Variants in CCDC7 observed in about 807,000 individuals in gnomAD.
The protein encoded by CCDC7 is coiled-coil domain-containing protein 7.
In CCDC7, 183 loss-of-function variants were observed where a neutral mutation model predicts 196.9. The observed-to-expected ratio is 0.93, with a 90% CI of 0.82 to 1.05. The LOEUF (loss-of-function observed/expected upper bound fraction) is 1.05, where lower values mean the gene tolerates loss of function less well. CCDC7 is among the 50% of genes least tolerant of loss of function. The pLI is 0.00. For missense variants in CCDC7, 1,540 were observed against 1,482.2 expected (o/e 1.04, Z -0.64); for synonymous variants, 525 against 484.6 (o/e 1.08, Z -1.10).
At chr10:32,593,869 T>C (rs1303015173) in intron 18 of CCDC7, among the ~76,000 whole-genome samples, 2 of 152,110 alleles carry the variant, frequency 1.3e-5, no homozygotes, top group African/African-American at 4.8e-5. Context: ...CAATGTGTGA[T>C]ATTATTTCCG....
chr10:32,703,504 G>C (rs1405265401), intron 24 of CCDC7, among the ~76,000 whole-genome samples: 1 of 151,948 alleles, frequency 6.6e-6, no homozygotes, highest in Non-Finnish European at 1.5e-5. Context: ...TGGAGTTGCT[G>C]TTCTCGAGGA....
At chr10:32,484,927 G>T (rs1343904884) in intron 8 of CCDC7, among the ~76,000 whole-genome samples, 6 of 152,238 alleles carry the variant, frequency 3.9e-5, no homozygotes, top group East Asian at 1.9e-4. Context: ...TTTTTGCATC[G>T]ATGTTCATCA....
Position 32,834,776 on chromosome 10 carries a change from C to T in CCDC7, c.3269-39C>T, listed in dbSNP as rs779150538. On this transcript the variant is annotated intron_variant, in intron 32 of 41. Coordinates refer to ENST00000639629, the Ensembl canonical transcript of CCDC7. ...CAGCACGGACATATGTTACAATTTA[C>T]CTTTCAAAGCGTTTTGAAAACCTGT... The T allele has an allele frequency of 5.5e-5, 49 of 895,710 alleles. No homozygotes were observed. In the South Asian group the frequency reaches 6.7e-4, roughly 12 times the overall value. 55.5% of individuals were successfully genotyped at this position (895,710 alleles called of 1,614,324 possible).
intron 18 of CCDC7, among the ~76,000 whole-genome samples, chr10:32,633,425 A>G (rs937588675): frequency 1.3e-5 from 2 of 152,028 alleles, no homozygotes; most frequent in East Asian, 3.9e-4. Context: ...CATTAACAAC[A>G]CATGTACTCA....
chr10:32,876,376 C>T lies in CCDC7; in HGVS notation c.4141C>T (p.Pro1381Ser), dbSNP rs1303454654. The change falls in exon 42 of 42, where the codon CCA (proline) becomes TCA (serine). Residue 1381 changes from proline (P) to serine (S), a missense_variant. By Grantham distance (74) the Pro-to-Ser change is moderately conservative. Coordinates refer to ENST00000639629, the Ensembl canonical transcript of CCDC7. Reference sequence around the variant, plus strand: ...ACATGCTGCTGCCCGAAAATCTGTACCACACCCATACTTTTGAGAATGAAG... The same window carrying T: ...ACATGCTGCTGCCCGAAAATCTGTATCACACCCATACTTTTGAGAATGAAG... The T allele has an allele frequency of 3.1e-6, 5 of 1,610,656 alleles. No homozygotes were observed. The African/African-American group carries it at 6.7e-5, about 22-fold the overall frequency.
At chr10:32,513,875 C>T (rs1309935611) in intron 9 of CCDC7, 1 of 152,130 alleles carries the variant, frequency 6.6e-6, no homozygotes, top group Non-Finnish European at 1.5e-5. Context: ...TCTACAAACC[C>T]CATGGTCAAC....
At position 32,756,951 on chromosome 10, in the gene CCDC7, C is replaced by A. The variant is rs141984251; in HGVS notation, c.2906-22026C>A. 3.9e-5 allele frequency among the ~76,000 whole-genome samples: 6 copies of A among 152,268 alleles called. No homozygotes were observed. In the East Asian group the frequency reaches 1.2e-3, roughly 29 times the overall value. Reference sequence around the variant, plus strand: ...ACAAAGAAAAAGCAGGAGTTGCAATCCTAGTCTCTGATAAAACAGACTTTA... The same window carrying A: ...ACAAAGAAAAAGCAGGAGTTGCAATACTAGTCTCTGATAAAACAGACTTTA... On this transcript the variant is annotated intron_variant, in intron 28 of 41. Coordinates refer to ENST00000639629, the Ensembl canonical transcript of CCDC7.
At chr10:32,610,757 CT>C (rs575136344) in intron 18 of CCDC7, among the ~76,000 whole-genome samples, 5 of 152,146 alleles carry the variant, frequency 3.3e-5, no homozygotes, top group African/African-American at 1.2e-4. Flanking sequence ...TGAACTCATC[CT>C]TTTTTATGGC....
chr10:32,694,752 TCTGATAATTTACTTAC>T lies in CCDC7; in HGVS notation c.2345-126_2345-111del. 3.8e-6 allele frequency: 2 copies of T among 524,824 alleles called. 1 individual carries two copies. The allele number at this position is 524,824 out of a possible 1,614,324, so 32.5% of individuals were successfully genotyped here. On this transcript the variant is annotated intron_variant, in intron 23 of 41. Transcript: ENST00000639629. ...ATAGTAGTCATGTCACATCTGGATT[TCTGATAATTTACTTAC>T]AAATTTATCAAAATGAGAAAATTTT...
intron 18 of CCDC7, among the ~76,000 whole-genome samples, chr10:32,622,501 G>A (rs533543897): frequency 4.6e-5 from 7 of 151,992 alleles, no homozygotes; most frequent in African/African-American, 1.7e-4. Context: ...GTACTATGGG[G>A]GTGGGAGTGG....
intron 11 of CCDC7, among the ~76,000 whole-genome samples, chr10:32,527,810 T>C (rs995439875): frequency 4.6e-5 from 7 of 152,152 alleles, no homozygotes; most frequent in Admixed American, 2.6e-4. Flanking sequence ...AATAGGATGG[T>C]GGGTAGAGAA....
chr10:32,481,473 AT>A (rs2134137753), intron 8 of CCDC7, among the ~76,000 whole-genome samples: 1 of 152,212 alleles, frequency 6.6e-6, no homozygotes, highest in South Asian at 2.1e-4. Flanking sequence ...TAATTCACAT[AT>A]TTTATATTGA....
At chr10:32,511,838 G>C (rs11592052) in intron 9 of CCDC7, 1 of 748,974 alleles carries the variant, frequency 1.3e-6, no homozygotes, top group African/African-American at 1.7e-5. Flanking sequence ...CACCAGCGGC[G>C]CTTTCCGATG....
chr10:32,840,679 A>G (rs910456029), intron 33 of CCDC7, among the ~76,000 whole-genome samples: 2 of 151,314 alleles, frequency 1.3e-5, no homozygotes, highest in African/African-American at 4.9e-5. Context: ...CTAATACCAA[A>G]ACCAGGGAAG....
intron 20 of CCDC7, among the ~76,000 whole-genome samples, chr10:32,644,271 C>G (rs1180684612): frequency 6.6e-6 from 1 of 152,180 alleles, no homozygotes; most frequent in Non-Finnish European, 1.5e-5. Flanking sequence ...TAGTACCCTA[C>G]TGTGGAACAG....
At chr10:32,451,955 C>T (rs977162426) in intron 1 of CCDC7, 34 bp downstream of exon 2, 11 of 1,580,420 alleles carry the variant, frequency 7.0e-6, no homozygotes, top group African/African-American at 1.4e-5. Flanking sequence ...GTTGCAGGGC[C>T]CCCATGATCA....
chr10:32,561,651 G>A (rs2055662358), intron 13 of CCDC7, among the ~76,000 whole-genome samples: 1 of 152,188 alleles, frequency 6.6e-6, no homozygotes, highest in African/African-American at 2.4e-5. Flanking sequence ...ATTCAACGCA[G>A]TGTGTAGAGG....
intron 28 of CCDC7, among the ~76,000 whole-genome samples, chr10:32,752,901 A>G (rs77939052): frequency 6.6e-6 from 1 of 152,186 alleles, no homozygotes; most frequent in East Asian, 1.9e-4. Context: ...TGAGTTGAAT[A>G]AAGGAGAGGG....
intron 29 of CCDC7, among the ~76,000 whole-genome samples, chr10:32,779,705 C>T (rs533768004): frequency 6.6e-6 from 1 of 152,316 alleles, no homozygotes; most frequent in South Asian, 2.1e-4. Flanking sequence ...CATCCAAACT[C>T]TCATTCCCTG....
Sources: gnomAD v4.1 joint callset for allele counts (sites outside exome capture counted in the v4.1 genomes callset) on GRCh38, gnomAD v4.1.1 for gene constraint, MANE v1.5 for transcripts, NCBI Gene and HGNC (gene_info 2026-07-23, HGNC 2026-07-21) for gene names.